POLA1: variants seen among roughly 807,000 people sequenced by gnomAD.
POLA1 encodes the protein DNA polymerase alpha 1, catalytic subunit.
A neutral mutation model predicts 124.0 loss-of-function variants in POLA1; 15 were observed. The observed-to-expected ratio is 0.12, with a 90% CI of 0.08 to 0.19. The LOEUF is 0.19. Ranked by LOEUF, POLA1 falls within the 10% of genes least tolerant of loss-of-function variation. POLA1 has a pLI of 1.00. For synonymous variants in POLA1, 408 were observed against 389.4 expected, an observed-to-expected ratio of 1.05 and a Z score of -0.56; for missense variants, 886 against 1,103.4, an observed-to-expected ratio of 0.80 and a Z score of 2.79.
chrX:24,963,321 C>T (rs1232575986), intron 36 of POLA1, among the ~76,000 whole-genome samples: 1 of 111,790 alleles, frequency 8.9e-6, no homozygotes, highest in Non-Finnish European at 1.9e-5. Flanking sequence ...CATCTTGCCC[C>T]AACTCTTGCT....
chrX:24,770,476 G>A (rs1056807633), intron 26 of POLA1, among the ~76,000 whole-genome samples: 1 of 111,799 alleles, frequency 8.9e-6, no homozygotes, highest in African/African-American at 3.3e-5. Context: ...ACGGGATGTC[G>A]TCTTTACAGG....
intron 35 of POLA1, among the ~76,000 whole-genome samples, chrX:24,923,145 A>C (rs2047641020): frequency 8.9e-6 from 1 of 111,797 alleles, no homozygotes; most frequent in South Asian, 3.8e-4. Context: ...TGCCATGTGC[A>C]GAATGACTTG....
At chrX:24,770,874 T>A (rs1233227649) in intron 26 of POLA1, among the ~76,000 whole-genome samples, 1 of 110,910 alleles carries the variant, frequency 9.0e-6, no homozygotes, top group African/African-American at 3.3e-5. Flanking sequence ...TTGTATTGAT[T>A]TTTGGGGGGC....
At chrX:24,724,261 T>G (rs1930393324) in intron 11 of POLA1, 74 bp from the exon 12 acceptor site, 3 of 514,245 alleles carry the variant, frequency 5.8e-6, no homozygotes, top group Non-Finnish European at 9.9e-6. Context: ...TAGACTTGGA[T>G]TTTTGGTGGT....
intron 36 of POLA1, among the ~76,000 whole-genome samples, chrX:24,951,343 A>AAC (rs2048039914): frequency 6.1e-4 from 25 of 40,937 alleles, no homozygotes; most frequent in Admixed American, 9.7e-4. Flanking sequence ...ACACCTCCCT[A>AAC]CCCCCCCCCC....
In POLA1 at chrX:24,815,138, C is replaced by T. The variant is rs2045972395; in HGVS notation, c.3429+27C>T. On this transcript the variant is annotated intron_variant, in intron 30 of 36. Transcript: ENST00000379068. ...TAAATGTAGCATTTATTGCTGAGCC[C>T]AGCTGCTGTCATGTGTTTTTCACCT... The T allele has an allele frequency of 6.0e-6, 7 of 1,175,003 alleles. No individual in the cohort carries two copies. In the East Asian group the frequency reaches 2.1e-4, roughly 35 times the overall value.
rs1336814767 is a variant in POLA1, at chrX:24,810,693, T to G, written c.2998-15T>G. The G allele has an allele frequency of 7.7e-6, 6 of 781,082 alleles. No homozygotes were observed. Among genetic ancestry groups the G allele is most frequent in the Non-Finnish European group, 1.1e-5 (6 of 525,990 alleles). 64.4% of individuals were successfully genotyped at this position (781,082 alleles called of 1,213,427 possible). The stretch of plus-strand genomic sequence containing the variant: ...TGTGTTTTTGTTAATTTTTATAATT[T>G]TTGCTTTTCATCAGATGAATCTTGA... On this transcript the variant is annotated splice_polypyrimidine_tract_variant and intron_variant, in intron 27 of 36. Transcript: ENST00000379068.
chrX:24,729,930 G>A (rs936729987), intron 15 of POLA1, among the ~76,000 whole-genome samples: 1 of 109,869 alleles, frequency 9.1e-6, no homozygotes. Flanking sequence ...TCAGCCTCCC[G>A]AGTAACTGGG....
chrX:24,719,577 C>T (rs950731656), intron 10 of POLA1, among the ~76,000 whole-genome samples: 8 of 111,664 alleles, frequency 7.2e-5, no homozygotes, highest in African/African-American at 2.6e-4. Context: ...CCCCATTGTA[C>T]AACCTCAGGG....
intron 36 of POLA1, among the ~76,000 whole-genome samples, chrX:24,985,280 A>G (rs992046215): frequency 1.9e-4 from 22 of 113,168 alleles, no homozygotes; most frequent in African/African-American, 7.1e-4. Flanking sequence ...GTAGCCATAG[A>G]TAACACAGAA....
At chrX:24,701,441 T>C (rs185289543) in intron 2 of POLA1, among the ~76,000 whole-genome samples, 2,674 of 108,201 alleles carry the variant, frequency 0.025, 80 homozygotes, top group African/African-American at 0.084. Context: ...ACTCTTTTTT[T>C]TTTTTTTTTT....
intron 34 of POLA1, among the ~76,000 whole-genome samples, chrX:24,848,332 A>G (rs1288095707): frequency 3.6e-5 from 4 of 112,149 alleles, no homozygotes; most frequent in African/African-American, 1.3e-4. Flanking sequence ...AAACTTCCTT[A>G]TGCACACGTT....
chrX:24,924,590 G>A (rs981363791), intron 35 of POLA1, among the ~76,000 whole-genome samples: 1 of 112,071 alleles, frequency 8.9e-6, no homozygotes, highest in African/African-American at 3.2e-5. Flanking sequence ...GGTGGGAGCT[G>A]TAGGTCAGAG....
At chrX:24,818,360 A>G (rs2046028175) in intron 30 of POLA1, among the ~76,000 whole-genome samples, 1 of 111,939 alleles carries the variant, frequency 8.9e-6, no homozygotes, top group African/African-American at 3.2e-5. Flanking sequence ...AAGTACTGTT[A>G]TATCAGTTAA....
At chrX:24,738,687 C>G (rs1189350043) in intron 19 of POLA1, among the ~76,000 whole-genome samples, 2 of 111,623 alleles carry the variant, frequency 1.8e-5, no homozygotes, top group African/African-American at 3.3e-5. Flanking sequence ...TGCCTGCTTG[C>G]TTCATGTATG....
chrX:24,720,568 C>T (rs1434814450), intron 10 of POLA1, among the ~76,000 whole-genome samples: 13 of 111,760 alleles, frequency 1.2e-4, no homozygotes, highest in Non-Finnish European at 1.9e-4. Flanking sequence ...TATGAGAATG[C>T]GTAACACAAA....
intron 8 of POLA1, 36 bp from the exon 9 acceptor site, chrX:24,717,254 A>G (rs1007321158): frequency 9.5e-6 from 11 of 1,152,283 alleles, no homozygotes; most frequent in African/African-American, 3.5e-5. Flanking sequence ...TGTCATCGCA[A>G]TAACACATGA....
chrX:24,812,236 A>G (rs1378262611), intron 28 of POLA1, among the ~76,000 whole-genome samples: 3 of 112,673 alleles, frequency 2.7e-5, no homozygotes, highest in Non-Finnish European at 3.8e-5. Flanking sequence ...TTAATAGTCA[A>G]AGTTTGACTT....
chrX:24,788,948 A>G (rs1261471443), intron 26 of POLA1: 1 of 1,205,710 alleles, frequency 8.3e-7, no homozygotes, highest in African/African-American at 1.8e-5. Context: ...TGGGCTGGAC[A>G]CGGCTTCAAA....
Sources: allele counts gnomAD v4.1 joint callset (sites outside exome capture counted in the v4.1 genomes callset), GRCh38; gene constraint gnomAD v4.1.1; transcripts MANE v1.5; gene names NCBI Gene and HGNC (gene_info 2026-07-23, HGNC 2026-07-21).